GBF1: variants seen among roughly 807,000 people sequenced by gnomAD.
GBF1 encodes the protein Golgi-specific brefeldin A-resistance guanine nucleotide exchange factor 1.
GBF1 carries 114 observed loss-of-function variants against 210.5 expected under a neutral mutation model. The ratio of observed to expected loss-of-function variants is 0.54; its 90% CI spans 0.47 to 0.63. The LOEUF (loss-of-function observed/expected upper bound fraction) is 0.63, where lower values mean the gene tolerates loss of function less well. Among genes scored for constraint, GBF1 ranks in the 30% least tolerant of loss-of-function variants. The pLI is 0.00. For synonymous variants in GBF1, 850 were observed against 889.2 expected, an observed-to-expected ratio of 0.96 and a Z score of 0.78; for missense variants, 1,851 against 2,357.7, an observed-to-expected ratio of 0.79 and a Z score of 4.45.
intron 3 of GBF1, among the ~76,000 whole-genome samples, chr10:102,310,788 C>G (rs935417135): frequency 3.3e-5 from 5 of 152,330 alleles, no homozygotes; most frequent in South Asian, 4.1e-4. Flanking sequence ...ACATCCCTGA[C>G]AGTTGGATAA....
At position 102,289,943 on chromosome 10, in the gene GBF1, G is replaced by A. The variant is rs553523519; in HGVS notation, c.163+29827G>A. On this transcript the variant is annotated intron_variant, in intron 3 of 39. Coordinates refer to ENST00000369983, the MANE Select transcript of GBF1 (RefSeq NM_001377137.1). ...TGGGCAACATAGTGGGACCCCGTCT[G>A]TACAAAAAAAAATTTTAATTAGCTG... is the stretch of plus-strand genomic sequence containing the variant. Among the ~76,000 whole-genome samples, 13 of 151,796 alleles carry A rather than the reference G, an allele frequency of 8.6e-5. No individual in the cohort carries two copies. The South Asian group carries it at 2.7e-3, about 32-fold the overall frequency.
At chr10:102,274,416 G>C (rs539918125) in intron 3 of GBF1, among the ~76,000 whole-genome samples, 1 of 151,980 alleles carries the variant, frequency 6.6e-6, no homozygotes, top group African/African-American at 2.4e-5. Context: ...TTAGGGCCTT[G>C]AATGTCTTAT....
At chr10:102,359,778 C>CTTTTTTTTT (rs57877868) in intron 11 of GBF1, among the ~76,000 whole-genome samples, 1 of 139,286 alleles carries the variant, frequency 7.2e-6, no homozygotes, top group African/African-American at 2.7e-5. Context: ...AATCCTTTTC[C>CTTTTTTTTT]TTTTTTTTTT....
rs111848542 is a variant in GBF1, at chr10:102,374,123, G to T, written c.3661-1236G>T. 5.7e-4 allele frequency among the ~76,000 whole-genome samples: 87 copies of T among 152,308 alleles called. 1 individual carries two copies. The highest frequency in any genetic ancestry group is 2.0e-3 in the African/African-American group (85 of 41,560). ...CCAGCACTTTGGGAAACTGAGGCTGGTGAATCACTTGAGGTCAGGAGTTCG... is the reference window on the plus strand; with the variant it reads ...CCAGCACTTTGGGAAACTGAGGCTGTTGAATCACTTGAGGTCAGGAGTTCG... On this transcript the variant is annotated intron_variant, in intron 29 of 39. Transcript: ENST00000369983.
chr10:102,234,592 T>G, the GBF1 span, among the ~76,000 whole-genome samples: 3 of 152,032 alleles, frequency 2.0e-5, no homozygotes, highest in Non-Finnish European at 4.4e-5. Context: ...GGAGGAAGGG[T>G]TAGAACTGAG....
At chr10:102,253,269 A>T (rs2071841676) in intron 1 of GBF1, among the ~76,000 whole-genome samples, 1 of 152,166 alleles carries the variant, frequency 6.6e-6, no homozygotes, top group African/African-American at 2.4e-5. Context: ...TTGAAAAATA[A>T]CATCACCAAA....
chr10:102,340,494 C>T (rs1374117198), intron 3 of GBF1, among the ~76,000 whole-genome samples: 2 of 151,770 alleles, frequency 1.3e-5, no homozygotes, highest in Non-Finnish European at 2.9e-5. Flanking sequence ...AGGATGGTCT[C>T]GATCTCCTGA....
intron 3 of GBF1, among the ~76,000 whole-genome samples, chr10:102,298,090 A>G (rs2077053001): frequency 6.6e-6 from 1 of 151,884 alleles, no homozygotes; most frequent in South Asian, 2.1e-4. Context: ...GCCCACCACC[A>G]CGCCCAGCTA....
chr10:102,357,532 T>TACC (rs1421811941), intron 8 of GBF1, among the ~76,000 whole-genome samples: 2 of 150,900 alleles, frequency 1.3e-5, no homozygotes, highest in Non-Finnish European at 3.0e-5. Context: ...CCAGCTCACA[T>TACC]ACCAGTAAGA....
intron 3 of GBF1, among the ~76,000 whole-genome samples, chr10:102,288,704 C>T (rs1181252647): frequency 7.6e-6 from 1 of 130,812 alleles, no homozygotes; most frequent in Non-Finnish European, 1.6e-5. Context: ...GGCGACAGAG[C>T]GAGACTCCGT....
At chr10:102,263,123 G>A (rs1222751985) in intron 3 of GBF1, among the ~76,000 whole-genome samples, 2 of 152,166 alleles carry the variant, frequency 1.3e-5, no homozygotes, top group African/African-American at 4.8e-5. Flanking sequence ...CACACACAGT[G>A]CCGGCTCCCA....
At chr10:102,330,557 G>A (rs948614409) in intron 3 of GBF1, among the ~76,000 whole-genome samples, 2 of 151,920 alleles carry the variant, frequency 1.3e-5, no homozygotes, top group African/African-American at 2.4e-5. Context: ...GGTAGTACAC[G>A]CCTGTAATCC....
At position 102,370,464 on chromosome 10, in the gene GBF1, T is replaced by C. The variant is rs368919790; in HGVS notation, c.3492T>C (p.Ile1164=). 9.9e-6 allele frequency: 16 copies of C among 1,611,518 alleles called. No homozygotes were observed. The highest frequency in any genetic ancestry group is 1.4e-5 in the Non-Finnish European group (16 of 1,177,718). The change falls in exon 28 of 40, where the codon ATT becomes ATC. Residue 1164 remains isoleucine, a synonymous_variant. Coordinates refer to ENST00000369983, the MANE Select transcript of GBF1 (RefSeq NM_001377137.1). The part of the protein sequence containing the change: ...AAFCLEMLLR[I]VLENRDRVGC... ...TCTGCCTAGAGATGCTGCTAAGGAT[T>C]GTGTTGGAGAACAGGTAAGATGAGC...
In GBF1 at chr10:102,363,303, A is replaced by G. The variant is rs754421310; in HGVS notation, c.1924A>G (p.Ile642Val). ...GAAAGCTGTAGGCATGGCCTCAGAC[A>G]TCCCAGGCCTGCATCTGCCAGGTGG... ...DGKAVGMASDIPGLHLPGGGR... is the reference protein window; with the variant it reads ...DGKAVGMASDVPGLHLPGGGR... Residue 642 changes from isoleucine (I) to valine (V), a missense_variant, in exon 16 of 40, where the codon ATC becomes GTC. By Grantham distance (29) the Ile-to-Val change is conservative (BLOSUM62 3). Transcript: ENST00000369983. This position sits in a 1 kb window ranked among gnomAD's most constrained non-coding sequence, Gnocchi z 4.2. 24 of 1,613,536 alleles carry G rather than the reference A, an allele frequency of 1.5e-5. No homozygotes were observed. The East Asian group carries it at 4.2e-4, about 28-fold the overall frequency.
At chr10:102,372,303 G>T (rs1242300320) in intron 29 of GBF1, among the ~76,000 whole-genome samples, 1 of 151,998 alleles carries the variant, frequency 6.6e-6, no homozygotes, top group Non-Finnish European at 1.5e-5. Context: ...ATCACCTGAG[G>T]TTGGGAGTTC....
chr10:102,365,847 G>T (rs2059886036), intron 18 of GBF1, among the ~76,000 whole-genome samples: 1 of 152,138 alleles, frequency 6.6e-6, no homozygotes, highest in Non-Finnish European at 1.5e-5. Flanking sequence ...GGAGTTCGAG[G>T]CTGCAGTGAG....
intron 3 of GBF1, among the ~76,000 whole-genome samples, chr10:102,284,240 T>A (rs1488857877): frequency 1.3e-5 from 2 of 152,224 alleles, no homozygotes; most frequent in Non-Finnish European, 2.9e-5. Context: ...GATCTTTACT[T>A]GTATTTTCAA....
At chr10:102,250,202 A>AT (rs758409932) in intron 1 of GBF1, among the ~76,000 whole-genome samples, 21 of 151,316 alleles carry the variant, frequency 1.4e-4, no homozygotes, top group South Asian at 2.1e-4. Context: ...GATAAGAATA[A>AT]TTTTTTTTTG....
chr10:102,294,040 A>G (rs2076706945), intron 3 of GBF1, among the ~76,000 whole-genome samples: 1 of 151,770 alleles, frequency 6.6e-6, no homozygotes, highest in Non-Finnish European at 1.5e-5. Context: ...GGCCTCCCAA[A>G]GTGCTGGAAT....
Sources: allele counts gnomAD v4.1 joint callset (sites outside exome capture counted in the v4.1 genomes callset), GRCh38; gene constraint gnomAD v4.1.1; non-coding constraint Gnocchi (gnomAD v3.1); transcripts MANE v1.5; gene names NCBI Gene and HGNC (gene_info 2026-07-23, HGNC 2026-07-21).